The following CCDC102B variants were observed in gnomAD, a reference collection of about 807,000 sequenced individuals.
CCDC102B encodes coiled-coil domain containing 102B, also known as coiled-coil domain-containing protein 102B.
CCDC102B carries 75 observed loss-of-function variants against 57.4 expected under a neutral mutation model. The ratio of observed to expected loss-of-function variants is 1.31; its 90% CI spans 1.08 to 1.58. The LOEUF (loss-of-function observed/expected upper bound fraction) is 1.58. Ranked by LOEUF, CCDC102B falls within the 40% of genes most tolerant of loss-of-function variation. CCDC102B has a pLI of 0.00. For missense variants in CCDC102B, 636 were observed against 582.6 expected (o/e 1.09, Z -0.94); for synonymous variants, 206 against 201.9 (o/e 1.02, Z -0.17).
intron 2 of CCDC102B, among the ~76,000 whole-genome samples, chr18:68,772,064 T>A (rs1202987336): frequency 6.6e-6 from 1 of 152,148 alleles, no homozygotes; most frequent in Non-Finnish European, 1.5e-5. Flanking sequence ...AGGTGAGTGA[T>A]AAATGTAATA....
At chr18:68,723,595 C>A (rs146574346) in intron 2 of CCDC102B, among the ~76,000 whole-genome samples, 1 of 152,214 alleles carries the variant, frequency 6.6e-6, no homozygotes, top group African/African-American at 2.4e-5. Context: ...CGAAATCCAA[C>A]AGGGCAGTCA....
At chr18:68,808,048 A>G (rs952891364) in intron 1 of CCDC102B, among the ~76,000 whole-genome samples, 10 of 152,144 alleles carry the variant, frequency 6.6e-5, no homozygotes, top group Admixed American at 6.5e-5. Flanking sequence ...CCTTCTCAAG[A>G]TTACAAACTC....
chr18:69,043,685 T>TG (rs1465720721), intron 7 of CCDC102B, among the ~76,000 whole-genome samples: 1 of 152,060 alleles, frequency 6.6e-6, no homozygotes, highest in Non-Finnish European at 1.5e-5. Context: ...AGCACAGGGT[T>TG]GGGGGTAAGG....
chr18:68,825,113 C>T (rs1157615876), intron 1 of CCDC102B, among the ~76,000 whole-genome samples: 1 of 151,968 alleles, frequency 6.6e-6, no homozygotes, highest in East Asian at 1.9e-4. Flanking sequence ...ATTTGATTTA[C>T]GGAAGTTACT....
chr18:68,750,416 G>A (rs968003994), intron 2 of CCDC102B, among the ~76,000 whole-genome samples: 6 of 152,064 alleles, frequency 3.9e-5, no homozygotes, highest in East Asian at 1.9e-4. Context: ...CTAGAAATAC[G>A]ATTTGACCCA....
chr18:69,046,892 C>G (rs73455707), intron 7 of CCDC102B, among the ~76,000 whole-genome samples: 3,082 of 152,072 alleles, frequency 0.02, 95 homozygotes, highest in African/African-American at 0.069. Context: ...CTTTGTTGAA[C>G]ATCAGATAGT....
At chr18:68,864,985 T>G (rs2038913127) in intron 4 of CCDC102B, among the ~76,000 whole-genome samples, 1 of 152,088 alleles carries the variant, frequency 6.6e-6, no homozygotes, top group Non-Finnish European at 1.5e-5. Context: ...AATTCTGTTA[T>G]CAGTATTCTC....
chr18:68,959,248 GGC>G (rs1232081474), intron 6 of CCDC102B, among the ~76,000 whole-genome samples: 1 of 152,138 alleles, frequency 6.6e-6, no homozygotes, highest in Non-Finnish European at 1.5e-5. Flanking sequence ...GTAACACTGT[GGC>G]TTTTGCAGAG....
chr18:68,795,885 G>A (rs1346053168), upstream of CCDC102B, among the ~76,000 whole-genome samples: 3 of 152,120 alleles, frequency 2.0e-5, no homozygotes, highest in African/African-American at 7.2e-5. Context: ...AATAAGAATA[G>A]GACCAATGAT....
Position 68,876,983 on chromosome 18 carries a change from A to G in CCDC102B, c.1053+2198A>G, listed in dbSNP as rs138098097. On this transcript the variant is annotated intron_variant, in intron 5 of 7. Transcript: ENST00000360242. ...GTTGAATAACCAATGAAAGCCTGTA[A>G]TCATTTATCCAGGAAATATTAGGTG... is the stretch of plus-strand genomic sequence containing the variant. Among the ~76,000 whole-genome samples the G allele has an allele frequency of 4.5e-3, 681 of 152,340 alleles. 8 individuals carry two copies. Among genetic ancestry groups the G allele is most frequent in the African/African-American group, 0.016 (655 of 41,574 alleles).
At chr18:69,045,861 G>T (rs1048135848) in intron 7 of CCDC102B, among the ~76,000 whole-genome samples, 3 of 152,004 alleles carry the variant, frequency 2.0e-5, no homozygotes, top group Non-Finnish European at 4.4e-5. Flanking sequence ...TGTGGTATTT[G>T]GTTTTCTGTT....
chr18:68,934,542 C>A (rs1296107006), intron 6 of CCDC102B, among the ~76,000 whole-genome samples: 1 of 151,844 alleles, frequency 6.6e-6, no homozygotes, highest in East Asian at 1.9e-4. Context: ...TTAAGTTTGG[C>A]CCAGGTATTT....
At chr18:68,855,686 G>T (rs888536940) in intron 4 of CCDC102B, among the ~76,000 whole-genome samples, 1 of 152,110 alleles carries the variant, frequency 6.6e-6, no homozygotes, top group Non-Finnish European at 1.5e-5. Flanking sequence ...AGATTTGCCT[G>T]TTCTGGGCAT....
chr18:68,906,518 T>C (rs942566506), intron 6 of CCDC102B, among the ~76,000 whole-genome samples: 5 of 152,232 alleles, frequency 3.3e-5, no homozygotes, highest in Admixed American at 3.3e-4. Context: ...TTTTGTTTTT[T>C]ATTTTTGAAT....
In CCDC102B at chr18:68,859,643, A is replaced by T. The variant is rs866824906; in HGVS notation, c.936+13222A>T. On this transcript the variant is annotated intron_variant, in intron 4 of 7. Transcript: ENST00000360242. Reference sequence around the variant, plus strand: ...AACCCCATCAAAAAGTGGGCGAAGGATATGAACAGACACTTCTCAAAAGAA... The same window carrying T: ...AACCCCATCAAAAAGTGGGCGAAGGTTATGAACAGACACTTCTCAAAAGAA... Among the ~76,000 whole-genome samples, 395 of 49,672 alleles carry T rather than the reference A, an allele frequency of 8.0e-3. 76 individuals carry two copies. Among genetic ancestry groups the T allele is most frequent in the African/African-American group, 0.02 (376 of 19,160 alleles). The allele number at this position is 49,672 out of a possible 152,430, so 32.6% of individuals were successfully genotyped here. A position where few individuals can be genotyped will look rare whatever the true frequency, so the allele number is the denominator to read the frequency against.
At chr18:69,032,734 CAT>C (rs976845616) in intron 7 of CCDC102B, among the ~76,000 whole-genome samples, 6 of 152,152 alleles carry the variant, frequency 3.9e-5, no homozygotes, top group African/African-American at 7.2e-5. Flanking sequence ...AAATTTGCCA[CAT>C]GATATCATAG....
chr18:68,834,556 A>G (rs1307427470), intron 1 of CCDC102B, among the ~76,000 whole-genome samples: 1 of 150,228 alleles, frequency 6.7e-6, no homozygotes, highest in Non-Finnish European at 1.5e-5. Flanking sequence ...ATTATAGTAA[A>G]TGAAGGGAAC....
At chr18:68,936,771 A>G (rs111843290) in intron 6 of CCDC102B, among the ~76,000 whole-genome samples, 4,329 of 115,232 alleles carry the variant, frequency 0.038, 187 homozygotes, top group African/African-American at 0.11. Context: ...ATACACACAT[A>G]CATACATACA....
chr18:68,830,238 T>C (rs2037088833), intron 1 of CCDC102B, among the ~76,000 whole-genome samples: 1 of 152,016 alleles, frequency 6.6e-6, no homozygotes, highest in Admixed American at 6.6e-5. Context: ...ATTTAGAAAG[T>C]GGTAGAACCT....
Sources: allele counts gnomAD v4.1 joint callset (sites outside exome capture counted in the v4.1 genomes callset), GRCh38; gene constraint gnomAD v4.1.1; transcripts MANE v1.5; gene names NCBI Gene and HGNC (gene_info 2026-07-23, HGNC 2026-07-21).